The following SLC25A13 variants were observed in gnomAD, a reference collection of about 807,000 sequenced individuals.
SLC25A13 encodes the protein solute carrier family 25 member 13, also known as electrogenic aspartate/glutamate antiporter SLC25A13, mitochondrial.
In SLC25A13, 70 loss-of-function variants were observed where a neutral mutation model predicts 85.5. The ratio of observed to expected loss-of-function variants is 0.82; its 90% CI spans 0.68 to 1.00. The LOEUF is 1.00. Among genes scored for constraint, SLC25A13 ranks in the 50% least tolerant of loss-of-function variants. SLC25A13 has a pLI of 0.00. For missense variants in SLC25A13, 765 were observed against 819.8 expected (o/e 0.93, Z 0.82); for synonymous variants, 259 against 288.7 (o/e 0.90, Z 1.04).
intron 13 of SLC25A13, among the ~76,000 whole-genome samples, chr7:96,152,963 T>C (rs1283904479): frequency 6.6e-6 from 1 of 152,112 alleles, no homozygotes; most frequent in South Asian, 2.1e-4. Context: ...AAAATGACAG[T>C]AGTTTATGAG....
At chr7:96,285,718 C>A (rs1334665983) in intron 2 of SLC25A13, among the ~76,000 whole-genome samples, 1 of 152,156 alleles carries the variant, frequency 6.6e-6, no homozygotes, top group East Asian at 1.9e-4. Context: ...CATCTGGTCT[C>A]TTATATAAAA....
At chr7:96,224,700 C>T (rs1168292022) in intron 4 of SLC25A13, among the ~76,000 whole-genome samples, 1 of 152,212 alleles carries the variant, frequency 6.6e-6, no homozygotes, top group Non-Finnish European at 1.5e-5. Context: ...TATTACTTTC[C>T]ACCATAGTGA....
intron 15 of SLC25A13, among the ~76,000 whole-genome samples, chr7:96,128,450 C>G (rs1050808166): frequency 6.6e-6 from 1 of 152,072 alleles, no homozygotes; most frequent in African/African-American, 2.4e-5. Flanking sequence ...TAGCTTACTT[C>G]GCATTACACA....
intron 9 of SLC25A13, among the ~76,000 whole-genome samples, chr7:96,188,556 C>T (rs1004946401): frequency 6.6e-5 from 10 of 152,190 alleles, no homozygotes; most frequent in African/African-American, 2.2e-4. Context: ...AAACGACACT[C>T]GCCTGTGAGT....
At chr7:96,154,713 C>T (rs371796993) in intron 13 of SLC25A13, among the ~76,000 whole-genome samples, 1 of 152,220 alleles carries the variant, frequency 6.6e-6, no homozygotes, top group East Asian at 1.9e-4. Flanking sequence ...TGGTAACATC[C>T]TAATGAGTAA....
At chr7:96,208,755 T>G in intron 5 of SLC25A13, 83 bp downstream of exon 5, 1 of 1,511,564 alleles carries the variant, frequency 6.6e-7, no homozygotes, top group Non-Finnish European at 9.2e-7. Context: ...TCCGCCCACC[T>G]CGGCCTCCCA....
rs10522412 is a variant in SLC25A13 at position 96,134,793 on chromosome 7, T to TTATATATA, written c.1453-2920_1453-2913dup. The stretch of plus-strand genomic sequence containing the variant: ...TTAAAAACCAAACATACAAACAATT[T>TTATATATA]TATATATATATATATATATAACCCT... On this transcript the variant is annotated intron_variant, in intron 14 of 17. Coordinates refer to ENST00000265631, the MANE Select transcript of SLC25A13 (RefSeq NM_014251.3). Among the ~76,000 whole-genome samples the TTATATATA allele has an allele frequency of 7.8e-4, 80 of 102,228 alleles. 4 individuals are homozygous for TTATATATA. The highest frequency in any genetic ancestry group is 2.4e-3 in the East Asian group (6 of 2,458). 67.1% of individuals were successfully genotyped at this position (102,228 alleles called of 152,430 possible). A position where few individuals can be genotyped will look rare whatever the true frequency, so the allele number is the denominator to read the frequency against.
chr7:96,257,417 T>A lies in SLC25A13; in HGVS notation c.212+19779A>T, dbSNP rs1797681562. ...GATCCCACAGAAATACAAACTACCATCAGAGAATATTATAAACACTTCCAC... is the reference window on the plus strand; with the variant it reads ...GATCCCACAGAAATACAAACTACCAACAGAGAATATTATAAACACTTCCAC... On this transcript the variant is annotated intron_variant, in intron 3 of 17. Coordinates refer to ENST00000265631, the MANE Select transcript of SLC25A13 (RefSeq NM_014251.3). 2.0e-5 allele frequency among the ~76,000 whole-genome samples: 3 copies of A among 152,212 alleles called. No homozygotes were observed. The South Asian group carries it at 6.2e-4, about 32-fold the overall frequency.
intron 13 of SLC25A13, among the ~76,000 whole-genome samples, chr7:96,163,500 G>C (rs763010098): frequency 6.6e-6 from 1 of 152,166 alleles, no homozygotes; most frequent in Non-Finnish European, 1.5e-5. Flanking sequence ...AGAACCACAA[G>C]AGAGAATAAT....
intron 5 of SLC25A13, among the ~76,000 whole-genome samples, chr7:96,194,927 T>G (rs1460566224): frequency 6.6e-6 from 1 of 152,184 alleles, no homozygotes; most frequent in Non-Finnish European, 1.5e-5. Flanking sequence ...CAGCTGAAAC[T>G]CTCTTCTGGG....
intron 11 of SLC25A13, 76 bp from the exon 12 acceptor site, chr7:96,171,600 G>A (rs1794005976): frequency 7.7e-7 from 1 of 1,292,770 alleles, no homozygotes; most frequent in Non-Finnish European, 1.1e-6. Context: ...CTACAGAGGG[G>A]ATTACCACTT....
chr7:96,268,169 G>A (rs920263900), intron 3 of SLC25A13, among the ~76,000 whole-genome samples: 1 of 152,112 alleles, frequency 6.6e-6, no homozygotes, highest in Non-Finnish European at 1.5e-5. Flanking sequence ...AGGTGAGAAG[G>A]TCAGTCACAA....
At chr7:96,168,032 G>A (rs1053682438) in intron 13 of SLC25A13, among the ~76,000 whole-genome samples, 49 of 145,578 alleles carry the variant, frequency 3.4e-4, no homozygotes, top group Middle Eastern at 7.1e-3. Context: ...CCCGGGAGGT[G>A]GAGGCTGCAG....
intron 1 of SLC25A13, among the ~76,000 whole-genome samples, chr7:96,305,214 A>C (rs1799701157): frequency 6.6e-6 from 1 of 152,212 alleles, no homozygotes; most frequent in African/African-American, 2.4e-5. Flanking sequence ...ATGACCCCTG[A>C]GCTCAGGTTA....
At chr7:96,194,774 G>A (rs1367822814) in intron 5 of SLC25A13, among the ~76,000 whole-genome samples, 1 of 152,108 alleles carries the variant, frequency 6.6e-6, no homozygotes, top group Non-Finnish European at 1.5e-5. Flanking sequence ...GGTCATTATA[G>A]TCTTCTACTT....
At chr7:96,189,557 A>C (rs1310641179) in intron 8 of SLC25A13, 24 bp downstream of exon 8, 2 of 1,533,298 alleles carry the variant, frequency 1.3e-6, no homozygotes, top group African/African-American at 2.8e-5. Flanking sequence ...AATTCCAAAA[A>C]AAAAAAAAAA....
intron 3 of SLC25A13, among the ~76,000 whole-genome samples, chr7:96,273,536 A>C (rs1476120380): frequency 6.6e-6 from 1 of 152,246 alleles, no homozygotes. Context: ...ATAAATGCTG[A>C]AATATTGTGA....
chr7:96,125,414 T>G (rs1439979182), intron 15 of SLC25A13, among the ~76,000 whole-genome samples: 1 of 152,138 alleles, frequency 6.6e-6, no homozygotes, highest in Non-Finnish European at 1.5e-5. Flanking sequence ...TTTTAATTGC[T>G]TCAGAGAAGG....
intron 1 of SLC25A13, among the ~76,000 whole-genome samples, chr7:96,311,597 T>A (rs1308702125): frequency 6.6e-6 from 1 of 152,210 alleles, no homozygotes; most frequent in African/African-American, 2.4e-5. Context: ...ACCAGCCATG[T>A]GTGGACTATA....
Sources: allele counts gnomAD v4.1 joint callset (sites outside exome capture counted in the v4.1 genomes callset), GRCh38; gene constraint gnomAD v4.1.1; transcripts MANE v1.5; gene names NCBI Gene and HGNC (gene_info 2026-07-23, HGNC 2026-07-21).